Variants in GPHN observed in about 807,000 individuals in gnomAD.
The protein encoded by GPHN is gephyrin.
In GPHN, 17 loss-of-function variants were observed where a neutral mutation model predicts 95.5. The observed-to-expected ratio is 0.18, with a 90% confidence interval of 0.12 to 0.27. The LOEUF (loss-of-function observed/expected upper bound fraction) is 0.27, where lower values mean the gene tolerates loss of function less well. GPHN is among the 10% of genes least tolerant of loss of function. GPHN has a pLI of 1.00. For missense variants in GPHN, 660 were observed against 978.1 expected (o/e 0.67, Z 4.34); for synonymous variants, 320 against 322.5 (o/e 0.99, Z 0.08).
the GPHN span, among the ~76,000 whole-genome samples, chr14:67,192,852 A>T: frequency 6.9e-6 from 1 of 144,648 alleles, no homozygotes; most frequent in Non-Finnish European, 1.5e-5. Context: ...CTATATATAG[A>T]TATACAGATA....
the GPHN span, chr14:67,390,810 A>T: frequency 9.0e-7 from 1 of 1,106,018 alleles, no homozygotes; most frequent in Non-Finnish European, 1.4e-6. Context: ...TCCTGTATCT[A>T]TGCATGTAAT....
At chr14:67,288,153 C>T in the GPHN span, among the ~76,000 whole-genome samples, 1 of 152,140 alleles carries the variant, frequency 6.6e-6, no homozygotes, top group Non-Finnish European at 1.5e-5. Context: ...GATCTCCGCT[C>T]ACTGCAACTT....
At chr14:67,485,503 TG>T in the GPHN span, among the ~76,000 whole-genome samples, 1 of 152,218 alleles carries the variant, frequency 6.6e-6, no homozygotes, top group Non-Finnish European at 1.5e-5. Context: ...GCATGGAATC[TG>T]AAGCTCTGGG....
the GPHN span, among the ~76,000 whole-genome samples, chr14:67,391,269 A>ATTGTG: frequency 7.2e-6 from 1 of 139,568 alleles, no homozygotes; most frequent in Non-Finnish European, 1.5e-5. Context: ...TAAGCAGCTG[A>ATTGTG]TATGTGTGTG....
chr14:67,517,344 G>A, the GPHN span, among the ~76,000 whole-genome samples: 2 of 152,208 alleles, frequency 1.3e-5, no homozygotes, highest in African/African-American at 2.4e-5. Flanking sequence ...GAAAGGCTTC[G>A]GAAGATCTGA....
chr14:67,695,941 G>T, the GPHN span: 2 of 507,784 alleles, frequency 3.9e-6, no homozygotes, highest in Non-Finnish European at 3.5e-6. Flanking sequence ...AGGGCCTGTG[G>T]GATCATTCAC....
chr14:66,739,147 C>G (rs2072557440), intron 2 of GPHN, among the ~76,000 whole-genome samples: 1 of 151,594 alleles, frequency 6.6e-6, no homozygotes, highest in Middle Eastern at 3.2e-3. Flanking sequence ...AAAAACTGAG[C>G]CTAGAATGAA....
the GPHN span, among the ~76,000 whole-genome samples, chr14:67,732,585 C>CT: frequency 1.4e-5 from 2 of 147,180 alleles, no homozygotes; most frequent in Admixed American, 6.8e-5. Context: ...ATAGACTTTT[C>CT]TTTTTTTTGA....
chr14:67,259,094 C>T, the GPHN span, among the ~76,000 whole-genome samples: 1 of 151,796 alleles, frequency 6.6e-6, no homozygotes, highest in African/African-American at 2.4e-5. Flanking sequence ...CCGCCTGCCT[C>T]GGCTTCCCAA....
At chr14:66,544,193 TTCTC>T (rs1384944456) in intron 1 of GPHN, among the ~76,000 whole-genome samples, 1 of 152,222 alleles carries the variant, frequency 6.6e-6, no homozygotes, top group East Asian at 1.9e-4. Flanking sequence ...GCACTGATGA[TTCTC>T]TCTGCCTAGA....
chr14:66,832,722 A>G (rs535428237), intron 4 of GPHN, among the ~76,000 whole-genome samples: 1 of 152,250 alleles, frequency 6.6e-6, no homozygotes, highest in South Asian at 2.1e-4. Context: ...AAGTACATAT[A>G]CTCCTAAAAT....
chr14:67,722,716 T>C, the GPHN span: 17 of 1,612,156 alleles, frequency 1.1e-5, no homozygotes, highest in African/African-American at 2.3e-4. Flanking sequence ...ATCAGGTTTG[T>C]CTTAATTCAG....
At chr14:67,575,117 C>G in the GPHN span, among the ~76,000 whole-genome samples, 1 of 152,170 alleles carries the variant, frequency 6.6e-6, no homozygotes, top group African/African-American at 2.4e-5. Flanking sequence ...CAAGTTCTTC[C>G]TATTTTCATA....
At chr14:67,615,618 C>T in the GPHN span, 1 of 552,164 alleles carries the variant, frequency 1.8e-6, no homozygotes, top group Non-Finnish European at 3.5e-6. Context: ...CTAAGAAGTG[C>T]TTAGTGAGGG....
At chr14:67,153,114 C>T (rs1392372721) in intron 18 of GPHN, among the ~76,000 whole-genome samples, 1 of 152,194 alleles carries the variant, frequency 6.6e-6, no homozygotes, top group Non-Finnish European at 1.5e-5. Flanking sequence ...GCCCAGGCAA[C>T]ATGGCAAAAT....
downstream of GPHN, among the ~76,000 whole-genome samples, chr14:67,186,338 A>G (rs72717336): frequency 0.051 from 7,743 of 152,282 alleles, 213 homozygotes; most frequent in Middle Eastern, 0.068. Flanking sequence ...AATCAGATTC[A>G]GTGGTTGTGT....
At chr14:67,311,419 A>C in the GPHN span, among the ~76,000 whole-genome samples, 1 of 152,120 alleles carries the variant, frequency 6.6e-6, no homozygotes, top group African/African-American at 2.4e-5. Context: ...TGAACTTGGA[A>C]TTTAACCTAT....
At chr14:67,269,249 TAATA>T in the GPHN span, among the ~76,000 whole-genome samples, 2 of 152,242 alleles carry the variant, frequency 1.3e-5, no homozygotes, top group Non-Finnish European at 2.9e-5. Context: ...ATACAACTTT[TAATA>T]AATTCATCAG....
intron 6 of GPHN, among the ~76,000 whole-genome samples, chr14:66,919,881 A>G (rs769842176): frequency 1.3e-5 from 2 of 152,080 alleles, no homozygotes; most frequent in Admixed American, 6.6e-5. Flanking sequence ...CCTGGCCAAC[A>G]TGGTGAAACC....
Sources: gnomAD v4.1 joint callset for allele counts (sites outside exome capture counted in the v4.1 genomes callset) on GRCh38, gnomAD v4.1.1 for gene constraint, MANE v1.5 for transcripts, NCBI Gene and HGNC (gene_info 2026-07-23, HGNC 2026-07-21) for gene names.